Variants in ERBB4 observed in about 807,000 individuals in gnomAD.
ERBB4 encodes the protein erb-b2 receptor tyrosine kinase 4.
ERBB4 carries 42 observed loss-of-function variants against 158.0 expected under a neutral mutation model. The ratio of observed to expected loss-of-function variants is 0.27; its 90% CI spans 0.21 to 0.34. The LOEUF (loss-of-function observed/expected upper bound fraction) is 0.34, where lower values mean the gene tolerates loss of function less well. Among genes scored for constraint, ERBB4 ranks in the 10% least tolerant of loss-of-function variants. The probability of loss-of-function intolerance (pLI) is 1.00; values close to 1 mark genes in which losing one functional copy is unlikely to be tolerated. For synonymous variants in ERBB4, 583 were observed against 558.7 expected, an observed-to-expected ratio of 1.04 and a Z score of -0.61; for missense variants, 1,333 against 1,624.1, an observed-to-expected ratio of 0.82 and a Z score of 3.08.
chr2:211,429,664 G>A (rs770610639), intron 21 of ERBB4, among the ~76,000 whole-genome samples: 10 of 152,150 alleles, frequency 6.6e-5, no homozygotes, highest in Non-Finnish European at 1.2e-4. Context: ...CATGAGGTTG[G>A]CTGCTCACCA....
At position 211,452,532 on chromosome 2, in the gene ERBB4, T is replaced by C. The variant is rs141728376; in HGVS notation, c.2488-21432A>G. ...CTTACCATTTTCTTCAAAATCACTA[T>C]GTATACTCTTTCAGTTATTACCCCA... On this transcript the variant is annotated intron_variant, in intron 20 of 27. Coordinates refer to ENST00000342788, the MANE Select transcript of ERBB4 (RefSeq NM_005235.3). Among the ~76,000 whole-genome samples, 291 of 152,314 alleles carry C rather than the reference T, an allele frequency of 1.9e-3. 3 individuals are homozygous for C. The highest frequency in any genetic ancestry group is 6.6e-3 in the African/African-American group (276 of 41,590).
At position 211,634,497 on chromosome 2, in the gene ERBB4, T is replaced by C. The variant is rs374559203; in HGVS notation, c.1947-3903A>G. The stretch of plus-strand genomic sequence containing the variant: ...GATGTTTGTAAGTATAGGATAGATA[T>C]CTTTTTCTTGTTTGTTTTTTTCCTG... On this transcript the variant is annotated intron_variant, in intron 16 of 27. Transcript: ENST00000342788. Among the ~76,000 whole-genome samples the C allele has an allele frequency of 5.9e-5, 9 of 152,234 alleles. No individual in the cohort carries two copies. The East Asian group carries it at 9.7e-4, about 16-fold the overall frequency.
rs185108062 is a variant in ERBB4, at chr2:211,937,064, T to C, written c.421+10366A>G. On this transcript the variant is annotated intron_variant, in intron 3 of 27. Transcript: ENST00000342788. ...TTCTAGCCTATTTGAATGTACTGTA[T>C]TGTATTAATTCTAAAACACATACAG... is the stretch of plus-strand genomic sequence containing the variant. 3.4e-3 allele frequency among the ~76,000 whole-genome samples: 516 copies of C among 152,326 alleles called. 5 individuals carry two copies. The highest frequency in any genetic ancestry group is 0.012 in the African/African-American group (480 of 41,598).
chr2:211,656,944 A>C (rs1271220106), intron 16 of ERBB4, among the ~76,000 whole-genome samples: 1 of 152,118 alleles, frequency 6.6e-6, no homozygotes, highest in Non-Finnish European at 1.5e-5. Flanking sequence ...TTTGTGTGGG[A>C]ATGAGTCTTA....
Position 212,368,100 on chromosome 2 carries a change from G to A in ERBB4, c.82+170349C>T, listed in dbSNP as rs141727387. Among the ~76,000 whole-genome samples the A allele has an allele frequency of 3.9e-5, 6 of 152,182 alleles. No individual in the cohort carries two copies. The East Asian group carries it at 1.2e-3, about 29-fold the overall frequency. On this transcript the variant is annotated intron_variant, in intron 1 of 27. Transcript: ENST00000342788. Reference sequence around the variant, plus strand: ...TATTGGATATCTACCCAGAGGAAAAGAAGTCATTTGAAAAAGATACTTGCA... The same window carrying A: ...TATTGGATATCTACCCAGAGGAAAAAAAGTCATTTGAAAAAGATACTTGCA...
At chr2:212,030,850 G>T (rs913368683) in intron 2 of ERBB4, among the ~76,000 whole-genome samples, 1 of 152,060 alleles carries the variant, frequency 6.6e-6, no homozygotes, top group Non-Finnish European at 1.5e-5. Flanking sequence ...GTCGTGGGTA[G>T]TTTGAAATTG....
Position 212,440,259 on chromosome 2 carries a change from A to T in ERBB4, c.82+98190T>A, listed in dbSNP as rs2092225408. Among the ~76,000 whole-genome samples, 3 of 152,292 alleles carry T rather than the reference A, an allele frequency of 2.0e-5. 1 individual carries two copies. The South Asian group carries it at 6.2e-4, about 32-fold the overall frequency. On this transcript the variant is annotated intron_variant, in intron 1 of 27. Coordinates refer to ENST00000342788, the MANE Select transcript of ERBB4 (RefSeq NM_005235.3). ...CCTGGGGAAGGCAGATCCACTCTTA[A>T]TCTGGTGGGAACAATCTAATCAGCT... is the stretch of plus-strand genomic sequence containing the variant.
At chr2:212,360,799 T>G (rs182311624) in intron 1 of ERBB4, among the ~76,000 whole-genome samples, 44 of 151,820 alleles carry the variant, frequency 2.9e-4, no homozygotes, top group Admixed American at 2.8e-3. Context: ...AATTCTTCAC[T>G]TTTTTTCCTT....
chr2:211,914,741 T>C (rs919188543), intron 3 of ERBB4, among the ~76,000 whole-genome samples: 7 of 152,180 alleles, frequency 4.6e-5, no homozygotes, highest in Admixed American at 3.9e-4. Flanking sequence ...CCTAAACAAA[T>C]ATAAGCCAAA....
chr2:212,342,981 A>G (rs568004331), intron 1 of ERBB4, among the ~76,000 whole-genome samples: 2 of 152,294 alleles, frequency 1.3e-5, no homozygotes, highest in South Asian at 2.1e-4. Context: ...AAGAATTTCT[A>G]TATTTTTCTC....
intron 1 of ERBB4, among the ~76,000 whole-genome samples, chr2:212,220,209 A>G (rs1446069904): frequency 6.6e-6 from 1 of 151,448 alleles, no homozygotes; most frequent in Non-Finnish European, 1.5e-5. Flanking sequence ...TTCTCCTTTT[A>G]TAACTGGATC....
chr2:211,888,981 C>T (rs1244278446), intron 3 of ERBB4, among the ~76,000 whole-genome samples: 9 of 149,110 alleles, frequency 6.0e-5, no homozygotes, highest in Middle Eastern at 3.4e-3. Context: ...GAGGGGCGCC[C>T]GCCATTGCCC....
chr2:212,509,665 G>T (rs1032226491), intron 1 of ERBB4, among the ~76,000 whole-genome samples: 4 of 151,866 alleles, frequency 2.6e-5, no homozygotes, highest in Non-Finnish European at 5.9e-5. Flanking sequence ...TTTCAATTCT[G>T]CCTCCTGTTC....
chr2:212,434,721 A>T (rs577924470), intron 1 of ERBB4, among the ~76,000 whole-genome samples: 3 of 151,942 alleles, frequency 2.0e-5, no homozygotes, highest in Admixed American at 1.3e-4. Context: ...TCCAGCAGAC[A>T]CTTCTTTTGT....
chr2:212,183,517 G>A (rs906575686), intron 1 of ERBB4, among the ~76,000 whole-genome samples: 12 of 151,938 alleles, frequency 7.9e-5, no homozygotes, highest in African/African-American at 2.9e-4. Flanking sequence ...GGACATAAAA[G>A]AAATAGGGTT....
intron 19 of ERBB4, among the ~76,000 whole-genome samples, chr2:211,566,653 C>G (rs1047416846): frequency 6.6e-6 from 1 of 151,976 alleles, no homozygotes; most frequent in African/African-American, 2.4e-5. Flanking sequence ...CAGTGTAAAC[C>G]AGAGGGTTCC....
chr2:212,026,973 GAT>G (rs1329977407), intron 2 of ERBB4, among the ~76,000 whole-genome samples: 1 of 151,720 alleles, frequency 6.6e-6, no homozygotes, highest in Non-Finnish European at 1.5e-5. Flanking sequence ...ATATTTAGTT[GAT>G]ACTAACAATA....
intron 3 of ERBB4, among the ~76,000 whole-genome samples, chr2:211,857,023 ATTTCAGC>A (rs1233803952): frequency 6.6e-6 from 1 of 152,132 alleles, no homozygotes. Context: ...ATGTTATAAT[ATTTCAGC>A]TTTCAGGTTG....
In ERBB4 at chr2:211,630,617, A is replaced by AT. The variant is rs202070359; in HGVS notation, c.1947-24_1947-23insA. 0.073 allele frequency: 117,464 copies of AT among 1,603,238 alleles called. 5,059 individuals are homozygous for AT. The highest frequency in any genetic ancestry group is 0.11 in the Middle Eastern group (636 of 6,042). On this transcript the variant is annotated intron_variant, in intron 16 of 27. Transcript: ENST00000342788. ...GTTCTGACAACCAGAATGAGAAAAA[A>AT]AAAAATAAAAAGTATGAAGAGAGAG...
Sources: allele counts gnomAD v4.1 joint callset (sites outside exome capture counted in the v4.1 genomes callset), GRCh38; gene constraint gnomAD v4.1.1; transcripts MANE v1.5; gene names NCBI Gene and HGNC (gene_info 2026-07-23, HGNC 2026-07-21).